The following ARHGAP42 variants were observed in gnomAD, a reference collection of about 807,000 sequenced individuals.
The protein encoded by ARHGAP42 is rho GTPase-activating protein 42.
Under a neutral mutation model 125.0 loss-of-function variants are expected in ARHGAP42, and 63 were observed. That is an observed-to-expected ratio of 0.50 (90% CI 0.41 to 0.62). The LOEUF (loss-of-function observed/expected upper bound fraction) is 0.62, where lower values mean the gene tolerates loss of function less well. ARHGAP42 is among the 20% of genes least tolerant of loss of function. ARHGAP42 has a pLI of 0.00. For missense variants in ARHGAP42, 766 were observed against 1,024.2 expected, an observed-to-expected ratio of 0.75 and a Z score of 3.44; for synonymous variants, 339 against 351.0, an observed-to-expected ratio of 0.97 and a Z score of 0.38.
intron 2 of ARHGAP42, among the ~76,000 whole-genome samples, chr11:100,777,208 G>T (rs950016897): frequency 1.3e-5 from 2 of 152,134 alleles, no homozygotes; most frequent in Non-Finnish European, 2.9e-5. Flanking sequence ...TAAAATAGTG[G>T]CAATTCAAGT....
intron 6 of ARHGAP42, among the ~76,000 whole-genome samples, chr11:100,925,826 G>A (rs1223951474): frequency 6.6e-6 from 1 of 152,116 alleles, no homozygotes; most frequent in East Asian, 1.9e-4. Context: ...CTTGAACAGT[G>A]GGCTCATCCT....
intron 9 of ARHGAP42, 31 bp from the exon 10 acceptor site, chr11:100,943,728 T>G (rs1458505880): frequency 1.4e-6 from 2 of 1,400,072 alleles, no homozygotes; most frequent in Non-Finnish European, 2.0e-6. Flanking sequence ...CTTGTCAGCA[T>G]GTTAATACTG....
At chr11:100,753,194 G>T (rs1591152805) in intron 1 of ARHGAP42, among the ~76,000 whole-genome samples, 1 of 152,124 alleles carries the variant, frequency 6.6e-6, no homozygotes, top group East Asian at 1.9e-4. Flanking sequence ...CCGCTGGGGT[G>T]ATGTTCCAGG....
Position 100,992,120 on chromosome 11 carries a change from T to TC in ARHGAP42, c.*3322dup. On this transcript the variant is annotated 3_prime_UTR_variant, in exon 24 of 24. Transcript: ENST00000298815. ...TTCATGTGGTTTCAGTTTAGAAGAGTCCCTCAGAGCTTTGCCTCAAGCAAT... is the reference window on the plus strand; with the variant it reads ...TTCATGTGGTTTCAGTTTAGAAGAGTCCCCTCAGAGCTTTGCCTCAAGCAAT... 1.3e-5 allele frequency: 8 copies of TC among 600,402 alleles called. No individual in the cohort carries two copies. Among genetic ancestry groups the TC allele is most frequent in the Middle Eastern group, 4.4e-4 (1 of 2,260 alleles). 37.2% of individuals were successfully genotyped at this position (600,402 alleles called of 1,614,324 possible). A position where few individuals can be genotyped will look rare whatever the true frequency, so the allele number is the denominator to read the frequency against.
intron 1 of ARHGAP42, among the ~76,000 whole-genome samples, chr11:100,754,186 C>T (rs749998006): frequency 1.3e-5 from 2 of 152,088 alleles, no homozygotes; most frequent in African/African-American, 2.4e-5. Context: ...TCTTTCTCAC[C>T]GAATTGGTAA....
At chr11:100,919,737 A>G (rs1040085536) in intron 5 of ARHGAP42, among the ~76,000 whole-genome samples, 1 of 152,130 alleles carries the variant, frequency 6.6e-6, no homozygotes, top group African/African-American at 2.4e-5. Flanking sequence ...AATTTTCAAA[A>G]TAACTTGTGG....
At chr11:100,753,716 T>A (rs1307258649) in intron 1 of ARHGAP42, among the ~76,000 whole-genome samples, 7 of 152,154 alleles carry the variant, frequency 4.6e-5, no homozygotes, top group Admixed American at 4.6e-4. Context: ...TGTTCCTACT[T>A]TTACATGCCC....
chr11:100,792,956 G>C (rs961459640), intron 2 of ARHGAP42, among the ~76,000 whole-genome samples: 1 of 151,928 alleles, frequency 6.6e-6, no homozygotes, highest in Non-Finnish European at 1.5e-5. Context: ...GGGTTTCATC[G>C]TGTTAGCCAG....
intron 3 of ARHGAP42, among the ~76,000 whole-genome samples, chr11:100,813,884 T>A (rs1864204617): frequency 6.6e-6 from 1 of 152,100 alleles, no homozygotes; most frequent in Non-Finnish European, 1.5e-5. Flanking sequence ...TGTCTTTTGA[T>A]AGGTAGGAGG....
chr11:100,875,572 G>A (rs529342792), intron 4 of ARHGAP42, among the ~76,000 whole-genome samples: 32 of 152,146 alleles, frequency 2.1e-4, no homozygotes, highest in Admixed American at 1.6e-3. Flanking sequence ...ACTCTCGGCC[G>A]AGACGGGAAG....
intron 2 of ARHGAP42, among the ~76,000 whole-genome samples, chr11:100,794,075 C>CAAAAAAAAAAAAAAAAAAAAAAAA (rs869272420): frequency 6.7e-5 from 3 of 44,864 alleles, no homozygotes; most frequent in African/African-American, 2.1e-4. Context: ...GACCCTGTCT[C>CAAAAAAAAAAAAAAAAAAAAAAAA]AAAAAAAAAA....
chr11:100,779,405 G>A (rs568738233), intron 2 of ARHGAP42, among the ~76,000 whole-genome samples: 60 of 135,652 alleles, frequency 4.4e-4, no homozygotes, highest in Non-Finnish European at 6.9e-4. Flanking sequence ...AGATTGCACC[G>A]TTGCACTCTA....
Position 100,876,779 on chromosome 11 carries a change from G to T in ARHGAP42, c.384+17154G>T, listed in dbSNP as rs528881717. On this transcript the variant is annotated intron_variant, in intron 4 of 23. Coordinates refer to ENST00000298815, the MANE Select transcript of ARHGAP42 (RefSeq NM_152432.4). Reference sequence around the variant, plus strand: ...TATTCATCATAGTAAACAGCTCACTGACTTTATTAATAGGTTTCACTTAAT... The same window carrying T: ...TATTCATCATAGTAAACAGCTCACTTACTTTATTAATAGGTTTCACTTAAT... Among the ~76,000 whole-genome samples, 49 of 152,274 alleles carry T rather than the reference G, an allele frequency of 3.2e-4. No homozygotes were observed. In the East Asian group the frequency reaches 9.1e-3, roughly 28 times the overall value.
At chr11:100,903,745 T>C (rs1866637305) in intron 4 of ARHGAP42, among the ~76,000 whole-genome samples, 1 of 122,074 alleles carries the variant, frequency 8.2e-6, no homozygotes, top group Non-Finnish European at 1.7e-5. Context: ...TATATATATA[T>C]ATATATATAT....
chr11:100,750,812 A>C lies in ARHGAP42; in HGVS notation c.155-19531A>C, dbSNP rs575027627. 7.9e-5 allele frequency among the ~76,000 whole-genome samples: 12 copies of C among 152,316 alleles called. 1 individual carries two copies. The East Asian group carries it at 2.3e-3, about 29-fold the overall frequency. On this transcript the variant is annotated intron_variant, in intron 1 of 23. Coordinates refer to ENST00000298815, the MANE Select transcript of ARHGAP42 (RefSeq NM_152432.4). ...TAAGTTTAAAAGTAGAAGGCAAAGT[A>C]CTGAACATACTGACATATTGATTCT...
intron 23 of ARHGAP42, 99 bp downstream of exon 23, chr11:100,987,691 AT>A: frequency 9.2e-7 from 1 of 1,089,708 alleles, no homozygotes; most frequent in Non-Finnish European, 1.4e-6. Flanking sequence ...GAAGCCTCAG[AT>A]TTTATCCCAT....
At chr11:100,912,303 C>T (rs1473499151) in intron 4 of ARHGAP42, among the ~76,000 whole-genome samples, 1 of 152,106 alleles carries the variant, frequency 6.6e-6, no homozygotes, top group African/African-American at 2.4e-5. Context: ...TCCGTCTGTG[C>T]ATCTATTCAT....
intron 1 of ARHGAP42, among the ~76,000 whole-genome samples, chr11:100,706,139 C>G (rs933311179): frequency 1.8e-4 from 27 of 151,290 alleles, no homozygotes; most frequent in Non-Finnish European, 3.4e-4. Flanking sequence ...GCCACCACGC[C>G]CAGAGTTAGC....
intron 1 of ARHGAP42, among the ~76,000 whole-genome samples, chr11:100,735,122 A>G (rs536688958): frequency 2.0e-5 from 3 of 152,232 alleles, no homozygotes; most frequent in Non-Finnish European, 4.4e-5. Flanking sequence ...CAGGATCCAT[A>G]TCCTCACTGT....
Sources: gnomAD v4.1 joint callset for allele counts (sites outside exome capture counted in the v4.1 genomes callset) on GRCh38, gnomAD v4.1.1 for gene constraint, MANE v1.5 for transcripts, NCBI Gene and HGNC (gene_info 2026-07-23, HGNC 2026-07-21) for gene names.